Variants in HIPK1 observed in about 807,000 individuals in gnomAD.
HIPK1 encodes homeodomain-interacting protein kinase 1.
HIPK1 carries 28 observed loss-of-function variants against 117.1 expected under a neutral mutation model. The ratio of observed to expected loss-of-function variants is 0.24; its 90% confidence interval spans 0.18 to 0.33. The LOEUF (loss-of-function observed/expected upper bound fraction) is 0.33, where lower values mean the gene tolerates loss of function less well. Ranked by LOEUF, HIPK1 falls within the 10% of genes least tolerant of loss-of-function variation. HIPK1 has a pLI of 1.00. For missense variants in HIPK1, 1,122 were observed against 1,475.1 expected, an observed-to-expected ratio of 0.76 and a Z score of 3.92; for synonymous variants, 605 against 562.5, an observed-to-expected ratio of 1.08 and a Z score of -1.07.
At chr1:113,929,815 G>A in intron 1 of HIPK1, 1 of 984,874 alleles carries the variant, frequency 1.0e-6, no homozygotes, top group Non-Finnish European at 1.2e-6. Context: ...GGGGGGCGGG[G>A]GCCGGGGCCC....
At position 113,929,661 on chromosome 1, in the gene HIPK1, C is replaced by T. The variant is rs2101092863; in HGVS notation, c.-3+129C>T. 16 of 927,844 alleles carry T rather than the reference C, an allele frequency of 1.7e-5. No individual in the cohort carries two copies. In the South Asian group the frequency reaches 2.7e-4, roughly 16 times the overall value. The allele number at this position is 927,844 out of a possible 1,614,324, so 57.5% of individuals were successfully genotyped here. ...GGCGGCTGCGGAGCAAGGGGCCCGGCGGTAGCCCCGGACGGCAGCAGGAGG... is the reference window on the plus strand; with the variant it reads ...GGCGGCTGCGGAGCAAGGGGCCCGGTGGTAGCCCCGGACGGCAGCAGGAGG... On this transcript the variant is annotated intron_variant, in intron 1 of 15. Transcript: ENST00000426820.
In HIPK1 at chr1:113,941,220, A is replaced by G. The variant is rs1292925034; in HGVS notation, c.837A>G (p.Leu279=). The change falls in exon 2 of 16, where the codon CTA becomes CTG. Residue 279 remains leucine (L), a synonymous_variant. Transcript: ENST00000426820. The surrounding 1 kb of genome is among the most constrained non-coding windows in gnomAD (Gnocchi z 4.9). The part of the protein sequence containing the change: ...EMLEQNLYDF[L]KQNKFSPLPL... ...TGGAGCAGAACTTATATGATTTTCTAAAGCAAAACAAATTTAGCCCACTGC... is the reference window on the plus strand; with the variant it reads ...TGGAGCAGAACTTATATGATTTTCTGAAGCAAAACAAATTTAGCCCACTGC... The G allele has an allele frequency of 3.7e-6, 6 of 1,614,140 alleles. No homozygotes were observed. Among genetic ancestry groups the G allele is most frequent in the Non-Finnish European group, 2.5e-6 (3 of 1,180,048 alleles).
chr1:113,967,355 G>A (rs1333859571), intron 11 of HIPK1, among the ~76,000 whole-genome samples: 1 of 152,114 alleles, frequency 6.6e-6, no homozygotes, highest in Non-Finnish European at 1.5e-5. Flanking sequence ...GTGTACAATT[G>A]TTCCCTTTTT....
intron 15 of HIPK1, among the ~76,000 whole-genome samples, chr1:113,972,707 C>T (rs1203832129): frequency 6.6e-6 from 1 of 152,190 alleles, no homozygotes; most frequent in Non-Finnish European, 1.5e-5. Context: ...TTCAAATTTA[C>T]TGACGCCAGA....
At position 113,970,348 on chromosome 1, in the gene HIPK1, T is replaced by C; in HGVS notation, c.3013+151T>C. The C allele has an allele frequency of 4.9e-6, 4 of 814,006 alleles. No homozygotes were observed. The South Asian group carries it at 7.0e-5, about 14-fold the overall frequency. 50.4% of individuals were successfully genotyped at this position (814,006 alleles called of 1,614,324 possible). A position where few individuals can be genotyped will look rare whatever the true frequency, so the allele number is the denominator to read the frequency against. On this transcript the variant is annotated intron_variant, in intron 14 of 15. Coordinates refer to ENST00000426820, the MANE Select transcript of HIPK1 (RefSeq NM_198268.3). ...ATTCAGAAATCAGTTCCCTGCACAA[T>C]GTGAAATTATTTTTGGCCATCACTT...
At chr1:113,937,576 C>T (rs1404198302) in intron 1 of HIPK1, among the ~76,000 whole-genome samples, 1 of 151,902 alleles carries the variant, frequency 6.6e-6, no homozygotes, top group Admixed American at 6.6e-5. Flanking sequence ...AATAATTCAT[C>T]CAACAGATAA....
At chr1:113,956,942 A>G in intron 6 of HIPK1, 131 bp downstream of exon 6, 1 of 949,836 alleles carries the variant, frequency 1.1e-6, no homozygotes. Context: ...TTTCTTTCTC[A>G]TTGAAACATC....
At chr1:113,961,578 A>G (rs1672106024) in intron 8 of HIPK1, among the ~76,000 whole-genome samples, 2 of 152,222 alleles carry the variant, frequency 1.3e-5, no homozygotes, top group Admixed American at 1.3e-4. Flanking sequence ...CTAATTCACT[A>G]AAAGTTATAC....
intron 1 of HIPK1, 114 bp from the exon 2 acceptor site, chr1:113,940,268 A>C (rs76350074): frequency 2.0e-6 from 2 of 982,774 alleles, no homozygotes; most frequent in East Asian, 4.8e-5. Flanking sequence ...GGAGAACATT[A>C]TTACATCATG....
Position 113,941,319 on chromosome 1 carries a change from C to T in HIPK1, c.936C>T (p.Ile312=), listed in dbSNP as rs1346297927. ...TGAAGCTCAAGAGTCTTGGTCTGATCCACGCTGACCTTAAGCCTGAAAACA... is the reference window on the plus strand; with the variant it reads ...TGAAGCTCAAGAGTCTTGGTCTGATTCACGCTGACCTTAAGCCTGAAAACA... The part of the protein sequence containing the change: ...ALMKLKSLGL[I]HADLKPENIM... The change falls in exon 2 of 16, where the codon ATC becomes ATT. Residue 312 remains isoleucine (I), a synonymous_variant. Coordinates refer to ENST00000426820, the MANE Select transcript of HIPK1 (RefSeq NM_198268.3). This position sits in a 1 kb window ranked among gnomAD's most constrained non-coding sequence, Gnocchi z 4.9. 3 of 1,614,228 alleles carry T rather than the reference C, an allele frequency of 1.9e-6. No homozygotes were observed. Among genetic ancestry groups the T allele is most frequent in the East Asian group, 4.5e-5 (2 of 44,886 alleles).
chr1:113,968,372 T>C (rs1340246882), intron 12 of HIPK1, 70 bp from the exon 13 acceptor site: 5 of 1,082,576 alleles, frequency 4.6e-6, no homozygotes, highest in Admixed American at 3.4e-5. Context: ...TGGAAAGCAG[T>C]CTGGGGAAAA....
rs1464332943 is a variant in HIPK1 at position 113,958,238 on chromosome 1, C to T, written c.1928C>T (p.Thr643Ile). The change falls in exon 8 of 16, where the codon ACT becomes ATT. Residue 643 changes from threonine (T) to isoleucine (I), a missense_variant. Coordinates refer to ENST00000426820, the MANE Select transcript of HIPK1 (RefSeq NM_198268.3). ...SLQPGTTQIC[T>I]QTDPFQQTFI... ...CAGCCTGGAACCACCCAGATTTGCA[C>T]TCAGACAGATCCATTCCAACAGACA... is the stretch of plus-strand genomic sequence containing the variant. 6.2e-7 allele frequency: 1 copy of T among 1,614,070 alleles called. No homozygotes were observed.
intron 1 of HIPK1, among the ~76,000 whole-genome samples, chr1:113,935,873 T>A (rs1441555717): frequency 1.3e-5 from 2 of 152,244 alleles, no homozygotes; most frequent in African/African-American, 2.4e-5. Context: ...TGAAAATATC[T>A]GTAATTTGCC....
In HIPK1 at chr1:113,962,384, A is replaced by T; in HGVS notation, c.2049A>T (p.Val683=). 1 of 1,613,998 alleles carries T rather than the reference A, an allele frequency of 6.2e-7. No individual in the cohort carries two copies. The highest frequency in any genetic ancestry group is 8.5e-7 in the Non-Finnish European group (1 of 1,179,896). ...PVRMDNAVPI[V]PQAPAAQPLQ... ...GGATGGATAATGCTGTACCGATTGT[A>T]CCCCAGGCACCAGCTGCTCAGCCAC... The change falls in exon 9 of 16, where the codon GTA becomes GTT. Residue 683 remains valine, a synonymous_variant. Transcript: ENST00000426820.
At chr1:113,937,706 C>A (rs143056485) in intron 1 of HIPK1, among the ~76,000 whole-genome samples, 2 of 152,006 alleles carry the variant, frequency 1.3e-5, no homozygotes, top group African/African-American at 4.8e-5. Flanking sequence ...TAAATACTTT[C>A]AAGTTAACAG....
At chr1:113,956,380 C>G (rs1671727540) in intron 5 of HIPK1, among the ~76,000 whole-genome samples, 2 of 151,980 alleles carry the variant, frequency 1.3e-5, no homozygotes, top group African/African-American at 2.4e-5. Context: ...CGCCCAGCCC[C>G]CAAATTTTTA....
In HIPK1 at chr1:113,940,574, A is replaced by G; in HGVS notation, c.191A>G (p.Asn64Ser). 1 of 1,614,038 alleles carries G rather than the reference A, an allele frequency of 6.2e-7. No homozygotes were observed. The highest frequency in any genetic ancestry group is 8.5e-7 in the Non-Finnish European group (1 of 1,180,012). ...GQANSSHQVA[N>S]FNIPAYDQGL... ...GCCAACTCCTCTCACCAGGTAGCAAATTTCAACATCCCTGCTTACGACCAG... is the reference window on the plus strand; with the variant it reads ...GCCAACTCCTCTCACCAGGTAGCAAGTTTCAACATCCCTGCTTACGACCAG... Residue 64 changes from asparagine (N) to serine (S), a missense_variant, in exon 2 of 16, where the codon AAT becomes AGT. By Grantham distance (46) the Asn-to-Ser change is conservative. Coordinates refer to ENST00000426820, the MANE Select transcript of HIPK1 (RefSeq NM_198268.3).
At chr1:113,962,048 G>A (rs755978550) in intron 8 of HIPK1, among the ~76,000 whole-genome samples, 44 of 149,660 alleles carry the variant, frequency 2.9e-4, no homozygotes, top group Non-Finnish European at 5.3e-4. Context: ...TGAATATTGT[G>A]TTTTAAATTT....
intron 2 of HIPK1, among the ~76,000 whole-genome samples, chr1:113,949,579 G>C (rs1319729413): frequency 6.7e-6 from 1 of 149,562 alleles, no homozygotes; most frequent in African/African-American, 2.5e-5. Context: ...TATCACTTTT[G>C]AGGGTTACTT....
Sources: allele counts gnomAD v4.1 joint callset (sites outside exome capture counted in the v4.1 genomes callset), GRCh38; gene constraint gnomAD v4.1.1; non-coding constraint Gnocchi (gnomAD v3.1); transcripts MANE v1.5; gene names NCBI Gene and HGNC (gene_info 2026-07-23, HGNC 2026-07-21).